Variants in XKR5 observed in about 807,000 individuals in gnomAD.
The protein encoded by XKR5 is XK-related protein 5.
Under a neutral mutation model 40.8 loss-of-function variants are expected in XKR5, and 46 were observed. The ratio of observed to expected loss-of-function variants is 1.13; its 90% confidence interval spans 0.89 to 1.44. The LOEUF (loss-of-function observed/expected upper bound fraction) is 1.44, where lower values mean the gene tolerates loss of function less well. XKR5 is among the 40% of genes most tolerant of loss of function. The pLI is 0.00. For synonymous variants in XKR5, 466 were observed against 356.1 expected (o/e 1.31, Z -3.48); for missense variants, 1,169 against 844.7 (o/e 1.38, Z -4.76).
At chr8:6,819,834 TCC>T (rs770645522) in intron 5 of XKR5, among the ~76,000 whole-genome samples, 55,571 of 146,208 alleles carry the variant, frequency 0.38, 11,063 homozygotes, top group East Asian at 0.59. Flanking sequence ...CTACCTTCCT[TCC>T]TCTTCCCTAC....
At chr8:6,825,418 T>C (rs769973971) in intron 2 of XKR5, 69 bp from the exon 3 acceptor site, 87 of 1,411,392 alleles carry the variant, frequency 6.2e-5, no homozygotes, top group East Asian at 2.1e-4. Context: ...CGAGCTTTCA[T>C]TTAGAGACAT....
intron 5 of XKR5, 70 bp downstream of exon 5, chr8:6,821,798 CA>C: frequency 7.1e-7 from 1 of 1,402,254 alleles, no homozygotes; most frequent in Non-Finnish European, 9.8e-7. Flanking sequence ...ACACACCCCC[CA>C]CACACACCCA....
chr8:6,830,029 G>A (rs1321565261), intron 2 of XKR5, among the ~76,000 whole-genome samples: 1 of 151,730 alleles, frequency 6.6e-6, no homozygotes, highest in Non-Finnish European at 1.5e-5. Context: ...AGTAGAGACG[G>A]GGTTTCACCG....
At chr8:6,822,791 C>A (rs913006094) in intron 4 of XKR5, among the ~76,000 whole-genome samples, 1 of 152,140 alleles carries the variant, frequency 6.6e-6, no homozygotes, top group Admixed American at 6.5e-5. Flanking sequence ...ATTCATATTG[C>A]GTGTGCCTAG....
chr8:6,821,245 T>A (rs1460637452), intron 5 of XKR5, among the ~76,000 whole-genome samples: 1 of 152,164 alleles, frequency 6.6e-6, no homozygotes, highest in Non-Finnish European at 1.5e-5. Flanking sequence ...CAGCTCAACC[T>A]CCACTGTCCT....
At position 6,815,877 on chromosome 8, in the gene XKR5, G is replaced by A. The variant is rs766892778; in HGVS notation, c.849C>T (p.Thr283=). ...TCCACGATGCCCCCTGGAGAAAGTC[G>A]GTGGCCAACAGCAACAGGATGATGT... ...LENIILLLLA[T]DFLQGASWTS... The change falls in exon 6 of 7, where the codon ACC becomes ACT. Residue 283 remains threonine, a synonymous_variant. Transcript: ENST00000618742. 2.6e-5 allele frequency: 41 copies of A among 1,604,624 alleles called. No individual in the cohort carries two copies. Among genetic ancestry groups the A allele is most frequent in the Non-Finnish European group, 3.0e-5 (35 of 1,175,808 alleles).
At chr8:6,826,900 C>G (rs1180717753) in intron 2 of XKR5, among the ~76,000 whole-genome samples, 8 of 152,144 alleles carry the variant, frequency 5.3e-5, no homozygotes, top group Admixed American at 4.6e-4. Flanking sequence ...GCCACGGGGA[C>G]ACATCTGCTC....
intron 2 of XKR5, among the ~76,000 whole-genome samples, chr8:6,825,730 G>A (rs1456138599): frequency 1.3e-5 from 2 of 152,164 alleles, no homozygotes; most frequent in Non-Finnish European, 2.9e-5. Flanking sequence ...TTTATCGACA[G>A]ATGTCTGTTG....
intron 2 of XKR5, among the ~76,000 whole-genome samples, chr8:6,830,039 G>T (rs922340556): frequency 6.6e-6 from 1 of 151,776 alleles, no homozygotes; most frequent in African/African-American, 2.4e-5. Flanking sequence ...GGGTTTCACC[G>T]TGTTAGCCAG....
chr8:6,827,013 C>G (rs1804518676), intron 2 of XKR5, among the ~76,000 whole-genome samples: 1 of 152,150 alleles, frequency 6.6e-6, no homozygotes, highest in Admixed American at 6.5e-5. Flanking sequence ...TGAGCCTATG[C>G]CAGGCACCTT....
At chr8:6,832,649 G>C in intron 2 of XKR5, 68 bp downstream of exon 2, 2 of 1,579,414 alleles carry the variant, frequency 1.3e-6, no homozygotes, top group Non-Finnish European at 1.7e-6. Context: ...AATCCACATG[G>C]AGAGAAGATT....
At chr8:6,812,475 C>T (rs1803777141) in intron 6 of XKR5, 136 bp from the exon 7 acceptor site, 1 of 862,724 alleles carries the variant, frequency 1.2e-6, no homozygotes, top group Admixed American at 3.1e-5. Flanking sequence ...TTGTTGGAGC[C>T]TCAGAACTGG....
In XKR5 at chr8:6,811,863, C is replaced by T; in HGVS notation, c.1396G>A (p.Glu466Lys). Reference sequence around the variant, plus strand: ...ACACCTTCAAACGCAGAGCTGTTCTCTAAGGTTGAGGGGTCACGGGATGAG... The same window carrying T: ...ACACCTTCAAACGCAGAGCTGTTCTTTAAGGTTGAGGGGTCACGGGATGAG... ...PSSSRDPSTL[E>K]NSSAFEGVPK... The change falls in exon 7 of 7, where the codon GAG becomes AAG. Residue 466 changes from glutamate (E) to lysine (K), a missense_variant. Physicochemically the swap from Glu to Lys is moderately conservative, Grantham distance 56. Coordinates refer to ENST00000618742, the MANE Select transcript of XKR5 (RefSeq NM_207411.5). 2 of 1,537,546 alleles carry T rather than the reference C, an allele frequency of 1.3e-6. No homozygotes were observed.
intron 2 of XKR5, among the ~76,000 whole-genome samples, chr8:6,829,644 T>G (rs1015307093): frequency 1.3e-5 from 2 of 152,146 alleles, no homozygotes; most frequent in African/African-American, 4.8e-5. Context: ...GTCTCCTGAG[T>G]AGGTGGCATT....
rs140515588 is a variant in XKR5, at chr8:6,815,951, G to A, written c.808-33C>T. The A allele has an allele frequency of 9.7e-4, 1,471 of 1,516,716 alleles. 23 individuals carry two copies. In the East Asian group the frequency reaches 0.026, roughly 27 times the overall value. The allele number at this position is 1,516,716 out of a possible 1,614,324, so 94.0% of individuals were successfully genotyped here. A position where few individuals can be genotyped will look rare whatever the true frequency, so the allele number is the denominator to read the frequency against. On this transcript the variant is annotated intron_variant, in intron 5 of 6. Coordinates refer to ENST00000618742, the MANE Select transcript of XKR5 (RefSeq NM_207411.5). ...ACCCAGGACAGAGGCACCACACCTC[G>A]TCAGGTGCACACTGCCTAGGGACCC...
At chr8:6,832,686 C>T in intron 2 of XKR5, 31 bp downstream of exon 2, 2 of 1,611,152 alleles carry the variant, frequency 1.2e-6, no homozygotes, top group Middle Eastern at 1.7e-4. Context: ...TGCAATTGTG[C>T]TCCAGAGGTG....
intron 4 of XKR5, 27 bp from the exon 5 acceptor site, chr8:6,822,065 A>G (rs373257820): frequency 1.2e-4 from 187 of 1,584,114 alleles, no homozygotes; most frequent in Middle Eastern, 9.3e-4. Context: ...TGCAGACGTC[A>G]GGGTCCATGC....
intron 5 of XKR5, among the ~76,000 whole-genome samples, chr8:6,816,662 T>A (rs946240658): frequency 2.8e-5 from 4 of 142,692 alleles, no homozygotes; most frequent in African/African-American, 1.0e-4. Context: ...TTTATTTTTA[T>A]TTAATTAAAT....
intron 4 of XKR5, among the ~76,000 whole-genome samples, chr8:6,823,155 A>T (rs73512001): frequency 0.027 from 4,045 of 152,216 alleles, 184 homozygotes; most frequent in African/African-American, 0.091. Flanking sequence ...ATGTGTACTC[A>T]TCGGGAGCTG....
Sources: gnomAD v4.1 joint callset for allele counts (sites outside exome capture counted in the v4.1 genomes callset) on GRCh38, gnomAD v4.1.1 for gene constraint, MANE v1.5 for transcripts, NCBI Gene and HGNC (gene_info 2026-07-23, HGNC 2026-07-21) for gene names.